The following RABGAP1 variants were observed in gnomAD, a reference collection of about 807,000 sequenced individuals.
RABGAP1 encodes the protein RAB GTPase activating protein 1, also known as rab GTPase-activating protein 1.
Under a neutral mutation model 137.6 loss-of-function variants are expected in RABGAP1, and 23 were observed. The observed-to-expected ratio is 0.17, with a 90% CI of 0.12 to 0.24. The LOEUF is 0.24. Ranked by LOEUF, RABGAP1 falls within the 10% of genes least tolerant of loss-of-function variation. The pLI is 1.00. For missense variants in RABGAP1, 906 were observed against 1,275.8 expected (o/e 0.71, Z 4.42); for synonymous variants, 451 against 450.7 (o/e 1.00, Z -0.01).
intron 13 of RABGAP1, among the ~76,000 whole-genome samples, chr9:123,041,584 T>C (rs991502791): frequency 2.6e-5 from 4 of 152,100 alleles, no homozygotes; most frequent in African/African-American, 9.7e-5. Context: ...TTAACTCCAC[T>C]ATAAAGAATA....
chr9:123,031,560 C>T (rs1028615761), intron 13 of RABGAP1, among the ~76,000 whole-genome samples: 1 of 152,052 alleles, frequency 6.6e-6, no homozygotes, highest in African/African-American at 2.4e-5. Context: ...TGGTAATCAT[C>T]TTCTATGGTA....
At chr9:123,073,783 G>T in intron 16 of RABGAP1, 106 bp downstream of exon 16, 1 of 1,433,250 alleles carries the variant, frequency 7.0e-7, no homozygotes, top group Non-Finnish European at 9.6e-7. Flanking sequence ...TTAGCGATCC[G>T]TGGCTAAGGA....
chr9:123,057,280 C>T (rs2033757960), intron 13 of RABGAP1, among the ~76,000 whole-genome samples: 1 of 150,812 alleles, frequency 6.6e-6, no homozygotes, highest in Non-Finnish European at 1.5e-5. Context: ...GGCGGAGGGG[C>T]TCCTCACTTC....
In RABGAP1 at chr9:123,073,753, A is replaced by G. The variant is rs373665576; in HGVS notation, c.2109+76A>G. The G allele has an allele frequency of 1.0e-4, 163 of 1,579,236 alleles. No individual in the cohort carries two copies. In the Middle Eastern group the frequency reaches 1.7e-3, roughly 16 times the overall value. ...AGCACCAAATTGAGGAAATGGTGCC[A>G]GGGAGCATTGGTAATTGCCTTAGCG... On this transcript the variant is annotated intron_variant, in intron 16 of 25. Coordinates refer to ENST00000373647, the MANE Select transcript of RABGAP1 (RefSeq NM_012197.4).
In RABGAP1 at chr9:123,104,848, A is replaced by G. The variant is rs2035451877; in HGVS notation, c.*1635A>G. On this transcript the variant is annotated 3_prime_UTR_variant, in exon 26 of 26. Transcript: ENST00000373647. ...TTTATTTTAACAGCATATTGATTAAATATTTTGGTACAAACAAACAGCATT... is the reference window on the plus strand; with the variant it reads ...TTTATTTTAACAGCATATTGATTAAGTATTTTGGTACAAACAAACAGCATT... 6.6e-6 allele frequency: 1 copy of G among 152,244 alleles called. No homozygotes were observed. Among genetic ancestry groups the G allele is most frequent in the Non-Finnish European group, 1.5e-5 (1 of 68,044 alleles). 9.4% of individuals were successfully genotyped at this position (152,244 alleles called of 1,614,324 possible). A position where few individuals can be genotyped will look rare whatever the true frequency, so the allele number is the denominator to read the frequency against.
At chr9:122,995,915 TTTTGTTATTA>T in intron 6 of RABGAP1, 116 bp from the exon 7 acceptor site, 1 of 1,436,480 alleles carries the variant, frequency 7.0e-7, no homozygotes, top group Non-Finnish European at 9.1e-7. Context: ...TTTTTTTCTT[TTTTGTTATTA>T]TTTGCAAACT....
intron 21 of RABGAP1, among the ~76,000 whole-genome samples, chr9:123,092,880 G>C (rs1564190327): frequency 1.3e-5 from 2 of 152,174 alleles, no homozygotes; most frequent in Non-Finnish European, 2.9e-5. Context: ...GCTGACACCA[G>C]AGCTCACCCT....
chr9:123,015,178 T>C (rs1052514627), intron 11 of RABGAP1, among the ~76,000 whole-genome samples: 8 of 152,180 alleles, frequency 5.3e-5, no homozygotes, highest in African/African-American at 1.9e-4. Context: ...AGTTTGAAAT[T>C]TTTTAAGTGT....
In RABGAP1 at chr9:123,089,824, C is replaced by A; in HGVS notation, c.2491C>A (p.Gln831Lys). ...YHTMREQQAQ[Q>K]EDPIERFERE... is the part of the protein sequence containing the mutation. ...CACCATGAGGGAACAGCAGGCCCAG[C>A]AAGAAGACCCCATCGAGCGATTTGA... Residue 831 changes from glutamine (Q) to lysine (K), a missense_variant, in exon 20 of 26, where the codon CAA becomes AAA. Physicochemically the swap from Gln to Lys is moderately conservative, Grantham distance 53 (BLOSUM62 1). Transcript: ENST00000373647. 1 of 1,613,780 alleles carries A rather than the reference C, an allele frequency of 6.2e-7. No homozygotes were observed. Among genetic ancestry groups the A allele is most frequent in the Non-Finnish European group, 8.5e-7 (1 of 1,179,800 alleles).
At chr9:122,958,135 A>G (rs577112512) in intron 2 of RABGAP1, among the ~76,000 whole-genome samples, 11 of 152,248 alleles carry the variant, frequency 7.2e-5, no homozygotes, top group African/African-American at 2.4e-4. Context: ...TCTGGGGCAG[A>G]CGGTACTCCA....
intron 25 of RABGAP1, among the ~76,000 whole-genome samples, chr9:123,102,723 T>A (rs1187861093): frequency 1.3e-5 from 2 of 152,000 alleles, no homozygotes; most frequent in East Asian, 3.9e-4. Context: ...GAAGAGAGTG[T>A]GTGGATCCAG....
At chr9:122,948,174 G>T (rs1268152157) in intron 1 of RABGAP1, among the ~76,000 whole-genome samples, 2 of 152,026 alleles carry the variant, frequency 1.3e-5, no homozygotes, top group African/African-American at 4.8e-5. Flanking sequence ...GAATTATCCT[G>T]CTACAGCATC....
At chr9:123,069,097 A>G (rs1330961244) in intron 14 of RABGAP1, among the ~76,000 whole-genome samples, 1 of 152,250 alleles carries the variant, frequency 6.6e-6, no homozygotes, top group Admixed American at 6.5e-5. Flanking sequence ...AAAAAACCAA[A>G]GAGTAAACCA....
intron 25 of RABGAP1, among the ~76,000 whole-genome samples, chr9:123,102,179 A>G (rs1381545150): frequency 6.6e-6 from 1 of 152,190 alleles, no homozygotes; most frequent in Non-Finnish European, 1.5e-5. Flanking sequence ...ATGGCTTGGC[A>G]GAATGTCGGG....
chr9:123,102,535 G>A (rs911502411), intron 25 of RABGAP1, among the ~76,000 whole-genome samples: 1 of 152,226 alleles, frequency 6.6e-6, no homozygotes, highest in African/African-American at 2.4e-5. Context: ...CAAGGCAGCA[G>A]TAGCTGTGCT....
intron 2 of RABGAP1, among the ~76,000 whole-genome samples, chr9:122,967,739 GA>G (rs913827567): frequency 4.0e-5 from 6 of 149,598 alleles, no homozygotes; most frequent in East Asian, 2.0e-4. Context: ...TTTTTTTCCT[GA>G]AAAAAATTTT....
rs1166589152 is a variant in RABGAP1 at position 122,941,044 on chromosome 9, G to C, written c.-99G>C. 1.3e-5 allele frequency: 2 copies of C among 152,850 alleles called. No homozygotes were observed. Among genetic ancestry groups the C allele is most frequent in the Admixed American group, 1.3e-4 (2 of 15,286 alleles). The allele number at this position is 152,850 out of a possible 1,614,324, so 9.5% of individuals were successfully genotyped here. On this transcript the variant is annotated 5_prime_UTR_variant, in exon 1 of 26. Transcript: ENST00000373647. ...CGGTTTGGGAGGCCCAGGCGGCGGA[G>C]CCTCCGGGACGGCGAGCGGCGGGCG... is the stretch of plus-strand genomic sequence containing the variant.
At chr9:123,011,094 A>AGG (rs1247310857) in intron 11 of RABGAP1, among the ~76,000 whole-genome samples, 2 of 152,102 alleles carry the variant, frequency 1.3e-5, no homozygotes, top group African/African-American at 2.4e-5. Flanking sequence ...GCATGAAGGA[A>AGG]GGGAGCCACA....
At chr9:123,020,272 TC>T in intron 12 of RABGAP1, 36 bp from the exon 13 acceptor site, 1 of 1,420,896 alleles carries the variant, frequency 7.0e-7, no homozygotes, top group African/African-American at 1.4e-5. Flanking sequence ...AATCTTATCT[TC>T]CTTTTATGAT....
Sources: gnomAD v4.1 joint callset for allele counts (sites outside exome capture counted in the v4.1 genomes callset) on GRCh38, gnomAD v4.1.1 for gene constraint, MANE v1.5 for transcripts, NCBI Gene and HGNC (gene_info 2026-07-23, HGNC 2026-07-21) for gene names.